Variants in ALMS1 observed in about 807,000 individuals in gnomAD.
ALMS1 encodes the protein ALMS1 centrosome and basal body associated protein, also known as centrosome-associated protein ALMS1.
A neutral mutation model predicts 352.2 loss-of-function variants in ALMS1; 271 were observed. The observed-to-expected ratio is 0.77, with a 90% CI of 0.70 to 0.85. ALMS1 has a LOEUF of 0.85. ALMS1 is among the 40% of genes least tolerant of loss of function. The pLI, the probability that ALMS1 is intolerant of heterozygous loss-of-function variation, is 0.00. For missense variants in ALMS1, 5,445 were observed against 4,870.7 expected (o/e 1.12, Z -3.51); for synonymous variants, 1,865 against 1,761.2 (o/e 1.06, Z -1.48).
intron 10 of ALMS1, among the ~76,000 whole-genome samples, chr2:73,496,761 T>A (rs1673116818): frequency 1.3e-5 from 2 of 152,206 alleles, no homozygotes; most frequent in Non-Finnish European, 2.9e-5. Context: ...TCAATATATT[T>A]TAGCCATTTT....
chr2:73,484,086 A>G (rs1029095855), intron 9 of ALMS1, among the ~76,000 whole-genome samples: 4 of 151,600 alleles, frequency 2.6e-5, no homozygotes, highest in Middle Eastern at 3.2e-3. Context: ...TAAAGTTAAT[A>G]TTGTTATGTG....
chr2:73,432,395 T>G, intron 7 of ALMS1, 104 bp downstream of exon 7: 1 of 767,664 alleles, frequency 1.3e-6, no homozygotes, highest in East Asian at 2.9e-5. Flanking sequence ...TCTATAATAA[T>G]TATACTTCAG....
At position 73,519,887 on chromosome 2, in the gene ALMS1, A is replaced by T. The variant is rs771768835; in HGVS notation, c.9652A>T (p.Ile3218Phe). The change falls in exon 11 of 23, where the codon ATT (isoleucine) becomes TTT (phenylalanine). Residue 3218 changes from isoleucine to phenylalanine, a missense_variant. Ile to Phe is a conservative substitution (Grantham distance 21, BLOSUM62 0). Transcript: ENST00000613296. ...AGAAAAGACCCTATTTTCATCTGAG[A>T]TTTTTATTAATGCTGAAGATCGTGG... ...SPEKTLFSSE[I>F]FINAEDRGHE... The T allele has an allele frequency of 6.8e-6, 11 of 1,614,016 alleles. No individual in the cohort carries two copies. The Admixed American group carries it at 1.3e-4, about 20-fold the overall frequency.
intron 17 of ALMS1, 42 bp from the exon 18 acceptor site, chr2:73,600,636 C>G (rs1387557287): frequency 6.4e-7 from 1 of 1,561,882 alleles, no homozygotes. Context: ...TCAACTCAGC[C>G]TCAAGGTTAC....
chr2:73,572,481 T>C lies in ALMS1; in HGVS notation c.10604T>C (p.Met3535Thr). 6.2e-7 allele frequency: 1 copy of C among 1,613,866 alleles called. No homozygotes were observed. Among genetic ancestry groups the C allele is most frequent in the Non-Finnish European group, 8.5e-7 (1 of 1,179,978 alleles). ...TGTCTTCCTCTTCCTTATCAAAACATGGACAAGACTAAGACAGATTATACC... is the reference window on the plus strand; with the variant it reads ...TGTCTTCCTCTTCCTTATCAAAACACGGACAAGACTAAGACAGATTATACC... ...HMCLPLPYQNMDKTKTDYTRI... is the reference protein window; with the variant it reads ...HMCLPLPYQNTDKTKTDYTRI... Residue 3535 changes from methionine (M) to threonine (T), a missense_variant, in exon 16 of 23, where the codon ATG becomes ACG. Transcript: ENST00000613296.
chr2:73,459,310 C>T (rs1476017955), intron 9 of ALMS1: 1 of 152,068 alleles, frequency 6.6e-6, no homozygotes, highest in Non-Finnish European at 1.5e-5. Flanking sequence ...ACTCATACCA[C>T]TTAGTTAAGG....
intron 9 of ALMS1, among the ~76,000 whole-genome samples, chr2:73,464,392 A>G (rs1035639891): frequency 4.6e-5 from 7 of 152,246 alleles, no homozygotes; most frequent in East Asian, 1.9e-4. Flanking sequence ...ACAAAATTCA[A>G]CAACCCTTCA....
intron 16 of ALMS1, among the ~76,000 whole-genome samples, chr2:73,591,501 C>T (rs182183870): frequency 6.6e-6 from 1 of 152,178 alleles, no homozygotes; most frequent in Non-Finnish European, 1.5e-5. Context: ...TTGAAATTTC[C>T]GTTCAAAACA....
chr2:73,498,811 T>C (rs1469449428), intron 10 of ALMS1, among the ~76,000 whole-genome samples: 1 of 152,194 alleles, frequency 6.6e-6, no homozygotes. Context: ...CTTACCCATC[T>C]ATTGATGGAC....
rs1558647607 is a variant in ALMS1 at position 73,448,410 on chromosome 2, C to G, written c.1883C>G (p.Pro628Arg). 1 of 1,614,008 alleles carries G rather than the reference C, an allele frequency of 6.2e-7. No homozygotes were observed. The highest frequency in any genetic ancestry group is 8.5e-7 in the Non-Finnish European group (1 of 1,179,926). Residue 628 changes from proline to arginine, a missense_variant, in exon 8 of 23, where the codon CCT (proline) becomes CGT (arginine). Transcript: ENST00000613296. ...ACTTCCTACTCACATAGAGAGAAGCCTGGTACTTTTTACCAACAAGAGTTA... is the reference window on the plus strand; with the variant it reads ...ACTTCCTACTCACATAGAGAGAAGCGTGGTACTTTTTACCAACAAGAGTTA... The part of the protein sequence containing the change: ...TSTSYSHREK[P>R]GTFYQQELPE...
At position 73,573,145 on chromosome 2, in the gene ALMS1, C is replaced by G; in HGVS notation, c.11268C>G (p.Gly3756=). ...LTDTTTNILS[G]TTSTVESDIL... is the part of the protein sequence containing the mutation. ...ATACTACCACCAACATCCTTTCCGG[C>G]ACCACTTCTACTGTCGAATCAGATA... is the stretch of plus-strand genomic sequence containing the variant. Residue 3756 remains glycine, a synonymous_variant, in exon 16 of 23, where the codon GGC becomes GGG. Transcript: ENST00000613296. 1 of 1,613,868 alleles carries G rather than the reference C, an allele frequency of 6.2e-7. No homozygotes were observed. Among genetic ancestry groups the G allele is most frequent in the Non-Finnish European group, 8.5e-7 (1 of 1,179,956 alleles).
At chr2:73,581,136 GC>G (rs1675168167) in intron 16 of ALMS1, among the ~76,000 whole-genome samples, 2 of 152,126 alleles carry the variant, frequency 1.3e-5, no homozygotes, top group South Asian at 4.1e-4. Flanking sequence ...AAGCCCTTAT[GC>G]CCCAAAGATT....
At chr2:73,550,478 C>T in intron 13 of ALMS1, 41 bp downstream of exon 13, 3 of 1,604,056 alleles carry the variant, frequency 1.9e-6, no homozygotes, top group Non-Finnish European at 2.6e-6. Context: ...CTTTTTCTCC[C>T]CTTTTCATCC....
At position 73,551,425 on chromosome 2, in the gene ALMS1, CTTTTTTTTTTT is replaced by C. The variant is rs372741747; in HGVS notation, c.10078+1006_10078+1016del. 1.4e-3 allele frequency among the ~76,000 whole-genome samples: 106 copies of C among 73,698 alleles called. 2 individuals are homozygous for C. In the East Asian group the frequency reaches 0.027, roughly 19 times the overall value. 48.3% of individuals were successfully genotyped at this position (73,698 alleles called of 152,430 possible). A position where few individuals can be genotyped will look rare whatever the true frequency, so the allele number is the denominator to read the frequency against. On this transcript the variant is annotated intron_variant, in intron 13 of 22. Coordinates refer to ENST00000613296, the MANE Select transcript of ALMS1 (RefSeq NM_001378454.1). ...TCACTGTGGGTATTTGAGTTTCAATCTTTTTTTTTTTTTTTTTTTTTTTTTTTTGAGTTGGA... is the reference window on the plus strand; with the variant it reads ...TCACTGTGGGTATTTGAGTTTCAATCTTTTTTTTTTTTTTTTTGAGTTGGA...
At chr2:73,537,403 A>G (rs903696588) in intron 12 of ALMS1, among the ~76,000 whole-genome samples, 1 of 152,202 alleles carries the variant, frequency 6.6e-6, no homozygotes, top group East Asian at 1.9e-4. Context: ...GGATCTGTAC[A>G]AGAAGAAAAG....
At chr2:73,484,954 G>A (rs955595166) in intron 9 of ALMS1, among the ~76,000 whole-genome samples, 2 of 152,064 alleles carry the variant, frequency 1.3e-5, no homozygotes, top group African/African-American at 4.8e-5. Context: ...CTCTGTATTG[G>A]TTATTCTAGT....
At chr2:73,586,048 T>C (rs759389669) in intron 16 of ALMS1, among the ~76,000 whole-genome samples, 3 of 152,096 alleles carry the variant, frequency 2.0e-5, no homozygotes, top group Non-Finnish European at 4.4e-5. Context: ...ACATGAACCA[T>C]CGCACCTAGC....
At chr2:73,388,292 A>T (rs1429884052) in intron 1 of ALMS1, among the ~76,000 whole-genome samples, 1 of 152,150 alleles carries the variant, frequency 6.6e-6, no homozygotes, top group African/African-American at 2.4e-5. Flanking sequence ...TTAATTTTAG[A>T]TTTGGGGGTA....
intron 1 of ALMS1, among the ~76,000 whole-genome samples, chr2:73,395,952 T>C (rs1486192298): frequency 1.3e-5 from 2 of 152,072 alleles, no homozygotes; most frequent in Non-Finnish European, 1.5e-5. Flanking sequence ...ACACTAACAA[T>C]AGCTGATGAG....
Sources: gnomAD v4.1 joint callset for allele counts (sites outside exome capture counted in the v4.1 genomes callset) on GRCh38, gnomAD v4.1.1 for gene constraint, MANE v1.5 for transcripts, NCBI Gene and HGNC (gene_info 2026-07-23, HGNC 2026-07-21) for gene names.